The following INTS2 variants were observed in gnomAD, a reference collection of about 807,000 sequenced individuals.
The protein encoded by INTS2 is integrator complex subunit 2.
INTS2 carries 57 observed loss-of-function variants against 139.6 expected under a neutral mutation model. That is an observed-to-expected ratio of 0.41 (90% CI 0.33 to 0.51). INTS2 has a LOEUF of 0.51. Among genes scored for constraint, INTS2 ranks in the 20% least tolerant of loss-of-function variants. INTS2 has a pLI of 0.28. For missense variants in INTS2, 1,196 were observed against 1,436.7 expected (o/e 0.83, Z 2.71); for synonymous variants, 473 against 493.4 (o/e 0.96, Z 0.55).
chr17:61,914,568 TGGC>T (rs532017244), intron 5 of INTS2, among the ~76,000 whole-genome samples: 179 of 151,488 alleles, frequency 1.2e-3, no homozygotes, highest in Middle Eastern at 3.4e-3. Flanking sequence ...GGCGTGGTGG[TGGC>T]GGGCGCCTGT....
chr17:61,915,242 A>G (rs957294251), intron 5 of INTS2, among the ~76,000 whole-genome samples: 2 of 151,160 alleles, frequency 1.3e-5, no homozygotes, highest in Non-Finnish European at 3.0e-5. Flanking sequence ...GGAGGCTGAG[A>G]CAGGAGAATC....
In INTS2 at chr17:61,873,240, T is replaced by C. The variant is rs955669047; in HGVS notation, c.2583-780A>G. 6.6e-6 allele frequency among the ~76,000 whole-genome samples: 1 copy of C among 152,006 alleles called. No individual in the cohort carries two copies. Among genetic ancestry groups the C allele is most frequent in the African/African-American group, 2.4e-5 (1 of 41,370 alleles). ...CATATAGCCAATTAAGATAAGAATATAAACTAGGCACAGCAGCACACAACT... is the reference window on the plus strand; with the variant it reads ...CATATAGCCAATTAAGATAAGAATACAAACTAGGCACAGCAGCACACAACT... On this transcript the variant is annotated intron_variant, in intron 19 of 24. Coordinates refer to ENST00000251334, the MANE Select transcript of INTS2 (RefSeq NM_001351695.2). The surrounding 1 kb of genome is among the most constrained non-coding windows in gnomAD (Gnocchi z 4.0).
At position 61,909,362 on chromosome 17, in the gene INTS2, G is replaced by A. The variant is rs970310362; in HGVS notation, c.955-1728C>T. ...TTGACCTTGTGATCCGCCCGCCTCA[G>A]CCTCCCAAAGTGCTGGGATTACAGG... On this transcript the variant is annotated intron_variant, in intron 7 of 24. Transcript: ENST00000251334. This position sits in a 1 kb window ranked among gnomAD's most constrained non-coding sequence, Gnocchi z 4.9. Among the ~76,000 whole-genome samples, 2 of 152,180 alleles carry A rather than the reference G, an allele frequency of 1.3e-5. No individual in the cohort carries two copies. Among genetic ancestry groups the A allele is most frequent in the Non-Finnish European group, 2.9e-5 (2 of 68,030 alleles).
intron 5 of INTS2, among the ~76,000 whole-genome samples, chr17:61,914,881 A>C (rs2079564042): frequency 6.6e-6 from 1 of 150,918 alleles, no homozygotes; most frequent in African/African-American, 2.4e-5. Context: ...CTCAAAAAAA[A>C]AAAAAAAGCG....
intron 13 of INTS2, among the ~76,000 whole-genome samples, chr17:61,892,699 C>T (rs566219029): frequency 2.0e-5 from 3 of 151,680 alleles, no homozygotes; most frequent in African/African-American, 7.3e-5. Context: ...AATCCCAGCA[C>T]TTTGGGAGGC....
chr17:61,912,920 A>G (rs1360960566), intron 5 of INTS2, among the ~76,000 whole-genome samples: 1 of 152,028 alleles, frequency 6.6e-6, no homozygotes, highest in Non-Finnish European at 1.5e-5. Context: ...TACTAAAAAT[A>G]CAAAAATTAG....
rs1462402083 is a variant in INTS2 at position 61,867,982 on chromosome 17, A to G, written c.3272T>C (p.Phe1091Ser). 6.2e-7 allele frequency: 1 copy of G among 1,602,920 alleles called. No homozygotes were observed. Among genetic ancestry groups the G allele is most frequent in the Non-Finnish European group, 8.5e-7 (1 of 1,176,944 alleles). ...CAAACTTGGCAGAGTTGGCATAAAAAAAGCATACCGCTTAGCCTGTGTTAA... is the reference window on the plus strand; with the variant it reads ...CAAACTTGGCAGAGTTGGCATAAAAGAAGCATACCGCTTAGCCTGTGTTAA... ...TVLTQAKRYA[F>S]FMPTLPSLVS... The change falls in exon 24 of 25, where the codon TTT becomes TCT. Residue 1091 changes from phenylalanine to serine, a missense_variant. Transcript: ENST00000251334. This position sits in a 1 kb window ranked among gnomAD's most constrained non-coding sequence, Gnocchi z 5.6.
Position 61,869,303 on chromosome 17 carries a change from C to G in INTS2, c.3108G>C (p.Glu1036Asp). Reference sequence around the variant, plus strand: ...TCTCAAGTTCTGGCTGTGCAATAAGCTCAGGTATGAAATCTAGACAGATGT... The same window carrying G: ...TCTCAAGTTCTGGCTGTGCAATAAGGTCAGGTATGAAATCTAGACAGATGT... ...SMHICLDFIP[E>D]LIAQPELEKQ... The change falls in exon 22 of 25, where the codon GAG becomes GAC. Residue 1036 changes from glutamate to aspartate, a missense_variant. Around this residue, in one of 3 missense-constraint regions of INTS2, gnomAD observed 1,129 missense variants for 1,341.9 expected, o/e 0.84. Transcript: ENST00000251334. The surrounding 1 kb of genome is among the most constrained non-coding windows in gnomAD (Gnocchi z 5.4). The G allele has an allele frequency of 6.2e-7, 1 of 1,606,164 alleles. No homozygotes were observed. The highest frequency in any genetic ancestry group is 8.5e-7 in the Non-Finnish European group (1 of 1,175,872).
chr17:61,914,597 G>A (rs1381846527), intron 5 of INTS2, among the ~76,000 whole-genome samples: 12 of 151,960 alleles, frequency 7.9e-5, no homozygotes, highest in South Asian at 2.1e-4. Flanking sequence ...CAGCTACTCG[G>A]GAGGCTGAGG....
Position 61,912,011 on chromosome 17 carries a change from G to A in INTS2, c.709C>T (p.Arg237Cys), listed in dbSNP as rs372208858. 4.8e-5 allele frequency: 77 copies of A among 1,613,514 alleles called. No homozygotes were observed. The highest frequency in any genetic ancestry group is 5.9e-5 in the Non-Finnish European group (70 of 1,179,688). Residue 237 changes from arginine to cysteine, a missense_variant, in exon 6 of 25, where the codon CGC (arginine) becomes TGC (cysteine). Coordinates refer to ENST00000251334, the MANE Select transcript of INTS2 (RefSeq NM_001351695.2). ...AAGAAGCGTAAGGCATCTGTCCTGC[G>A]CCTTCCTCCAAGACTTTCTTCATCT... is the stretch of plus-strand genomic sequence containing the variant. Reference protein sequence around the residue: ...RQDEESLGGRRRTDALRFLCK... With the variant: ...RQDEESLGGRCRTDALRFLCK...
chr17:61,888,986 C>T (rs569366949), intron 15 of INTS2, among the ~76,000 whole-genome samples: 2 of 151,624 alleles, frequency 1.3e-5, no homozygotes, highest in South Asian at 2.1e-4. Context: ...GATCATGCCA[C>T]TGCACTCTAG....
chr17:61,884,104 T>C (rs533610711), intron 16 of INTS2, among the ~76,000 whole-genome samples: 1 of 152,244 alleles, frequency 6.6e-6, no homozygotes, highest in South Asian at 2.1e-4. Context: ...ATCCATACTA[T>C]GGATCATAAA....
At chr17:61,914,792 C>A (rs2079563076) in intron 5 of INTS2, among the ~76,000 whole-genome samples, 1 of 150,804 alleles carries the variant, frequency 6.6e-6, no homozygotes, top group Admixed American at 6.6e-5. Flanking sequence ...AAGGATCACT[C>A]GAGCCTGGGA....
Position 61,867,537 on chromosome 17 carries a change from T to C in INTS2, c.*20A>G. ...TTGGGTATATGCAGCAAACAACTTT[T>C]TGTTGTTTTAAATTTTGTTTTAAAT... On this transcript the variant is annotated 3_prime_UTR_variant, in exon 25 of 25. Transcript: ENST00000251334. This position sits in a 1 kb window ranked among gnomAD's most constrained non-coding sequence, Gnocchi z 5.6. The C allele has an allele frequency of 3.9e-6, 6 of 1,535,370 alleles. No individual in the cohort carries two copies. The highest frequency in any genetic ancestry group is 5.4e-6 in the Non-Finnish European group (6 of 1,119,970).
rs138051322 is a variant in INTS2, at chr17:61,901,877, C to T, written c.1307+2583G>A. On this transcript the variant is annotated intron_variant, in intron 9 of 24. Transcript: ENST00000251334. ...CCTCCCAAAGTGCTGGGATTACAGG[C>T]GTGAGCCAGTGTGCCTGGCCATTTT... Among the ~76,000 whole-genome samples, 11 of 151,990 alleles carry T rather than the reference C, an allele frequency of 7.2e-5. No individual in the cohort carries two copies. The East Asian group carries it at 1.9e-3, about 27-fold the overall frequency.
intron 12 of INTS2, 115 bp downstream of exon 12, chr17:61,895,200 T>C (rs1335883278): frequency 6.5e-6 from 4 of 615,718 alleles, no homozygotes; most frequent in Non-Finnish European, 1.1e-5. Context: ...TAAATCATCA[T>C]GAGTTTAAAA....
intron 15 of INTS2, among the ~76,000 whole-genome samples, chr17:61,887,405 C>G (rs190270275): frequency 1.4e-4 from 21 of 151,594 alleles, no homozygotes; most frequent in Admixed American, 1.3e-3. Flanking sequence ...ATCACTGGAA[C>G]CCGGGAGGTG....
intron 5 of INTS2, among the ~76,000 whole-genome samples, chr17:61,913,648 T>C (rs1216869344): frequency 2.0e-5 from 3 of 152,106 alleles, no homozygotes; most frequent in Non-Finnish European, 4.4e-5. Flanking sequence ...AAAGATGACG[T>C]CAACCTAAAA....
Position 61,869,373 on chromosome 17 carries a change from G to T in INTS2, c.3038C>A (p.Pro1013Gln). The T allele has an allele frequency of 6.3e-7, 1 of 1,594,994 alleles. No homozygotes were observed. The highest frequency in any genetic ancestry group is 8.6e-7 in the Non-Finnish European group (1 of 1,168,094). ...IAKLVHFQGY[P>Q]CELLPLTVAG... Reference sequence around the variant, plus strand: ...GACCGTCAGAGGCAAAAGTTCACATGGATAACCCTATCTCAACAAGAAACG... The same window carrying T: ...GACCGTCAGAGGCAAAAGTTCACATTGATAACCCTATCTCAACAAGAAACG... The change falls in exon 22 of 25, where the codon CCA becomes CAA. Residue 1013 changes from proline to glutamine, a missense_variant. Transcript: ENST00000251334. This position sits in a 1 kb window ranked among gnomAD's most constrained non-coding sequence, Gnocchi z 5.4.
Sources: allele counts gnomAD v4.1 joint callset (sites outside exome capture counted in the v4.1 genomes callset), GRCh38; gene constraint gnomAD v4.1.1; regional missense constraint gnomAD v4.1.1; non-coding constraint Gnocchi (gnomAD v3.1); transcripts MANE v1.5; gene names NCBI Gene and HGNC (gene_info 2026-07-23, HGNC 2026-07-21).